CRIM1: variants seen among roughly 807,000 people sequenced by gnomAD.
The protein encoded by CRIM1 is cysteine rich transmembrane BMP regulator 1, also known as cysteine-rich motor neuron 1 protein.
Under a neutral mutation model 116.4 loss-of-function variants are expected in CRIM1, and 32 were observed. The observed-to-expected ratio is 0.27, with a 90% CI of 0.21 to 0.37. CRIM1 has a LOEUF of 0.37. Ranked by LOEUF, CRIM1 falls within the 10% of genes least tolerant of loss-of-function variation. The pLI is 1.00. For synonymous variants in CRIM1, 590 were observed against 509.2 expected (o/e 1.16, Z -2.13); for missense variants, 1,331 against 1,354.8 (o/e 0.98, Z 0.28).
chr2:36,515,360 C>T (rs1435653152), intron 11 of CRIM1, among the ~76,000 whole-genome samples: 1 of 152,142 alleles, frequency 6.6e-6, no homozygotes, highest in Non-Finnish European at 1.5e-5. Context: ...GTTGTTGATA[C>T]CTTACTGTGG....
intron 2 of CRIM1, among the ~76,000 whole-genome samples, chr2:36,421,911 T>C (rs1674096990): frequency 6.6e-6 from 1 of 152,182 alleles, no homozygotes; most frequent in South Asian, 2.1e-4. Flanking sequence ...AAGTTGGATT[T>C]AATTTTGGGA....
intron 13 of CRIM1, chr2:36,529,262 C>G (rs942100369): frequency 1.3e-5 from 6 of 467,754 alleles, no homozygotes; most frequent in Non-Finnish European, 2.2e-5. Context: ...GCAGAGTCTT[C>G]TTAACAGGAC....
intron 4 of CRIM1, among the ~76,000 whole-genome samples, chr2:36,442,967 G>T (rs1675975584): frequency 6.6e-6 from 1 of 152,158 alleles, no homozygotes; most frequent in South Asian, 2.1e-4. Context: ...CTGTAAGGGT[G>T]CCTGTACACT....
At chr2:36,407,778 G>A (rs1672922654) in intron 2 of CRIM1, among the ~76,000 whole-genome samples, 1 of 151,670 alleles carries the variant, frequency 6.6e-6, no homozygotes, top group Non-Finnish European at 1.5e-5. Flanking sequence ...GAGTGTAAAG[G>A]AGCCTCTTTA....
intron 7 of CRIM1, among the ~76,000 whole-genome samples, chr2:36,480,793 C>G (rs1281573345): frequency 1.3e-5 from 2 of 152,136 alleles, no homozygotes; most frequent in East Asian, 1.9e-4. Flanking sequence ...CTGCCACACT[C>G]CAGAACTTTA....
At chr2:36,462,906 C>T (rs1558330251) in intron 4 of CRIM1, among the ~76,000 whole-genome samples, 1 of 152,184 alleles carries the variant, frequency 6.6e-6, no homozygotes. Context: ...TTATCAGGCA[C>T]TAAAAGCCCA....
chr2:36,430,221 A>T (rs991082907), intron 2 of CRIM1, among the ~76,000 whole-genome samples: 1 of 152,156 alleles, frequency 6.6e-6, no homozygotes, highest in Non-Finnish European at 1.5e-5. Context: ...TCTGCTTGGG[A>T]GGCTGAACCC....
intron 1 of CRIM1, among the ~76,000 whole-genome samples, chr2:36,358,652 G>T (rs1405957153): frequency 2.0e-5 from 3 of 152,056 alleles, no homozygotes; most frequent in African/African-American, 7.2e-5. Context: ...TATTCGCTTT[G>T]AAATGCTTGG....
intron 2 of CRIM1, among the ~76,000 whole-genome samples, chr2:36,401,995 C>G (rs187965201): frequency 1.6e-4 from 25 of 152,256 alleles, no homozygotes; most frequent in Admixed American, 1.6e-3. Context: ...TTCTGCCATC[C>G]CCTAAGTACA....
Position 36,462,072 on chromosome 2 carries a change from A to G in CRIM1, c.870-2462A>G, listed in dbSNP as rs569524689. 2.6e-5 allele frequency among the ~76,000 whole-genome samples: 4 copies of G among 152,340 alleles called. No individual in the cohort carries two copies. In the South Asian group the frequency reaches 6.2e-4, roughly 24 times the overall value. The stretch of plus-strand genomic sequence containing the variant: ...TGGGGTCACACCAGCTAGCAAAACC[A>G]GGATCTTTATTATGCAGTCAGTTTA... On this transcript the variant is annotated intron_variant, in intron 4 of 16. Coordinates refer to ENST00000280527, the MANE Select transcript of CRIM1 (RefSeq NM_016441.3).
intron 2 of CRIM1, among the ~76,000 whole-genome samples, chr2:36,413,833 T>G (rs1673398467): frequency 6.6e-6 from 1 of 152,164 alleles, no homozygotes; most frequent in Non-Finnish European, 1.5e-5. Flanking sequence ...GTGTATGTAT[T>G]TGGATGGGGG....
intron 4 of CRIM1, among the ~76,000 whole-genome samples, chr2:36,454,706 C>T (rs966606872): frequency 4.6e-5 from 7 of 152,106 alleles, no homozygotes; most frequent in South Asian, 2.1e-4. Flanking sequence ...GCATACTTCA[C>T]GTAAAAATCT....
chr2:36,544,660 C>T (rs1667187094), intron 15 of CRIM1, among the ~76,000 whole-genome samples, 162 bp downstream of exon 15: 1 of 152,176 alleles, frequency 6.6e-6, no homozygotes, highest in South Asian at 2.1e-4. Context: ...CATATTTACA[C>T]CACACATTGA....
At chr2:36,488,975 C>T (rs1055606274) in intron 7 of CRIM1, among the ~76,000 whole-genome samples, 3 of 152,190 alleles carry the variant, frequency 2.0e-5, no homozygotes, top group Non-Finnish European at 4.4e-5. Flanking sequence ...GAACTCAAAG[C>T]ATGCGTTCTG....
intron 1 of CRIM1, among the ~76,000 whole-genome samples, chr2:36,381,011 C>T (rs1359046478): frequency 6.6e-6 from 1 of 152,250 alleles, no homozygotes; most frequent in Non-Finnish European, 1.5e-5. Context: ...CGCTGCTCTC[C>T]CTGCCCCATG....
chr2:36,512,394 GGTAA>G lies in CRIM1; in HGVS notation c.1780+3_1780+6del. On this transcript the variant is annotated splice_donor_variant and splice_donor_region_variant and intron_variant, in intron 10 of 16. Transcript: ENST00000280527. LOFTEE classifies it high-confidence loss of function. ...CGGCTGTCTTATCTGCAAGTGCAGA[GGTAA>G]GTGTGTACACATGGCCCTTCCCCCT... 6.2e-7 allele frequency: 1 copy of G among 1,611,884 alleles called. No homozygotes were observed. The highest frequency in any genetic ancestry group is 2.2e-5 in the East Asian group (1 of 44,792).
At chr2:36,389,128 A>G (rs551406786) in intron 1 of CRIM1, among the ~76,000 whole-genome samples, 1 of 152,362 alleles carries the variant, frequency 6.6e-6, no homozygotes, top group Non-Finnish European at 1.5e-5. Flanking sequence ...TGTCTGTAAA[A>G]TACATTTTTG....
Position 36,396,719 on chromosome 2 carries a change from G to A in CRIM1, c.437G>A (p.Arg146Gln), listed in dbSNP as rs774406061. ...INGKCECNTI[R>Q]TCSNPFEFPS... ...GGGAAATGTGAATGTAACACCATTC[G>A]AACCTGCAGCAATCCCTTTGAGTTT... The change falls in exon 2 of 17, where the codon CGA becomes CAA. Residue 146 changes from arginine (R) to glutamine (Q), a missense_variant. By Grantham distance (43) the Arg-to-Gln change is conservative. Transcript: ENST00000280527. 11 of 1,613,540 alleles carry A rather than the reference G, an allele frequency of 6.8e-6. No individual in the cohort carries two copies. The highest frequency in any genetic ancestry group is 1.3e-5 in the African/African-American group (1 of 74,904).
chr2:36,361,584 A>C (rs994858882), intron 1 of CRIM1, among the ~76,000 whole-genome samples: 1 of 152,182 alleles, frequency 6.6e-6, no homozygotes, highest in Non-Finnish European at 1.5e-5. Flanking sequence ...GAAAATATTG[A>C]ATTCATCTTA....
Sources: gnomAD v4.1 joint callset for allele counts (sites outside exome capture counted in the v4.1 genomes callset) on GRCh38, gnomAD v4.1.1 for gene constraint, MANE v1.5 for transcripts, NCBI Gene and HGNC (gene_info 2026-07-23, HGNC 2026-07-21) for gene names.